The following KMT2C variants were observed in gnomAD, a reference collection of about 807,000 sequenced individuals.
KMT2C encodes lysine methyltransferase 2C.
A neutral mutation model predicts 507.9 loss-of-function variants in KMT2C; 88 were observed. That is an observed-to-expected ratio of 0.17 (90% CI 0.15 to 0.21). The LOEUF (loss-of-function observed/expected upper bound fraction) is 0.21. Ranked by LOEUF, KMT2C falls within the 10% of genes least tolerant of loss-of-function variation. The pLI, the probability that KMT2C is intolerant of heterozygous loss-of-function variation, is 1.00. For synonymous variants in KMT2C, 2,049 were observed against 2,080.8 expected (o/e 0.98, Z 0.42); for missense variants, 4,954 against 5,957.8 (o/e 0.83, Z 5.55).
rs114713496 is a variant in KMT2C at position 152,370,756 on chromosome 7, G to A, written c.162-12081C>T. ...ACCATGTTAGAAGTCTAAATCACTGGTCAGCAAACTACGGTCCAGAGGCCA... is the reference window on the plus strand; with the variant it reads ...ACCATGTTAGAAGTCTAAATCACTGATCAGCAAACTACGGTCCAGAGGCCA... On this transcript the variant is annotated intron_variant, in intron 1 of 58. Coordinates refer to ENST00000262189, the MANE Select transcript of KMT2C (RefSeq NM_170606.3). Among the ~76,000 whole-genome samples, 1,349 of 152,248 alleles carry A rather than the reference G, an allele frequency of 8.9e-3. 24 individuals carry two copies. Among genetic ancestry groups the A allele is most frequent in the African/African-American group, 0.031 (1,305 of 41,538 alleles).
intron 1 of KMT2C, among the ~76,000 whole-genome samples, chr7:152,383,134 T>G (rs570432060): frequency 1.6e-3 from 233 of 142,136 alleles, no homozygotes; most frequent in Middle Eastern, 0.015. Context: ...TATATATAAT[T>G]TGTGTGTGTG....
chr7:152,149,020 C>T lies in KMT2C; in HGVS notation c.12907G>A (p.Ala4303Thr). ...PQLPEKASPP[A>T]SPPIAFPPAF... ...GGAGGGAAGGCGATGGGTGGTGAGG[C>T]AGGGGGAGAAGCTTTCTCTGGGAGC... is the stretch of plus-strand genomic sequence containing the variant. Residue 4303 changes from alanine (A) to threonine (T), a missense_variant, in exon 52 of 59, where the codon GCC (alanine) becomes ACC (threonine). Transcript: ENST00000262189. 1 of 1,544,408 alleles carries T rather than the reference C, an allele frequency of 6.5e-7. No homozygotes were observed. Among genetic ancestry groups the T allele is most frequent in the African/African-American group, 1.4e-5 (1 of 72,638 alleles).
intron 16 of KMT2C, among the ~76,000 whole-genome samples, chr7:152,232,890 A>T (rs1032002552): frequency 8.5e-5 from 13 of 152,204 alleles, no homozygotes; most frequent in Non-Finnish European, 1.5e-4. Context: ...GAGATAAAGT[A>T]TCTATTTCTA....
chr7:152,357,947 A>G (rs780549073), intron 2 of KMT2C, among the ~76,000 whole-genome samples: 3 of 152,222 alleles, frequency 2.0e-5, no homozygotes, highest in Non-Finnish European at 4.4e-5. Flanking sequence ...TCTAAACTTT[A>G]TCTAACAACT....
chr7:152,297,051 AAGACAGAG>A (rs1338020593), intron 6 of KMT2C, among the ~76,000 whole-genome samples: 72 of 60,272 alleles, frequency 1.2e-3, no homozygotes, highest in African/African-American at 1.8e-3. Context: ...GAAAGAAAGA[AAGACAGAG>A]AGAGAGAGAG....
At position 152,177,262 on chromosome 7, in the gene KMT2C, C is replaced by A. The variant is rs770857079; in HGVS notation, c.8191G>T (p.Glu2731Ter). 1 of 1,613,858 alleles carries A rather than the reference C, an allele frequency of 6.2e-7. No homozygotes were observed. Among genetic ancestry groups the A allele is most frequent in the Non-Finnish European group, 8.5e-7 (1 of 1,179,988 alleles). Residue 2731 changes from glutamate (E) to a stop codon, truncating the protein, a stop_gained, in exon 38 of 59, where the codon GAA (glutamate) becomes TAA (stop). Coordinates refer to ENST00000262189, the MANE Select transcript of KMT2C (RefSeq NM_170606.3). LOFTEE classifies it high-confidence loss of function. ...TCCAAATTATCTAAAGTATCCAATT[C>A]AACTACCTTGCCATCCTCTGTATCT... ...NLDTEDGKVVELDTLDNLETN... is the reference protein window; with the variant it reads ...NLDTEDGKVV
Position 152,176,402 on chromosome 7 carries a change from TGTTTGAGGCCCA to T in KMT2C, c.9039_9050del (p.Gly3014_Thr3017del), listed in dbSNP as rs1208917973. On this transcript the variant is annotated inframe_deletion, in exon 38 of 59. Coordinates refer to ENST00000262189, the MANE Select transcript of KMT2C (RefSeq NM_170606.3). The stretch of plus-strand genomic sequence containing the variant: ...ACATGCTACTGGTACCAGACTGACT[TGTTTGAGGCCCA>T]GTTTGAGTTGCAGGTTTTCCTGTCC... 6.2e-7 allele frequency: 1 copy of T among 1,614,154 alleles called. No homozygotes were observed. Among genetic ancestry groups the T allele is most frequent in the African/African-American group, 1.3e-5 (1 of 75,034 alleles).
At chr7:152,235,223 A>ATATC (rs930686899) in intron 16 of KMT2C, among the ~76,000 whole-genome samples, 11 of 151,370 alleles carry the variant, frequency 7.3e-5, no homozygotes, top group Admixed American at 2.6e-4. Flanking sequence ...ATATATATAT[A>ATATC]TCAAAGCTTA....
At position 152,181,933 on chromosome 7, in the gene KMT2C, T is replaced by C; in HGVS notation, c.5927A>G (p.Asp1976Gly). Residue 1976 changes from aspartate to glycine, a missense_variant, in exon 36 of 59, where the codon GAT (aspartate) becomes GGT (glycine). Physicochemically the swap from Asp to Gly is moderately conservative, Grantham distance 94 (BLOSUM62 -1). Transcript: ENST00000262189. ...PPDTPRPVMT[D>G]QFPKSLGLSR... ...TAGGCCCAAGGATTTGGGAAATTGA[T>C]CTGTCATCACAGGCCTAGGTGTGTC... The C allele has an allele frequency of 6.2e-7, 1 of 1,614,158 alleles. No individual in the cohort carries two copies. The highest frequency in any genetic ancestry group is 1.3e-5 in the African/African-American group (1 of 75,036).
chr7:152,136,133 CTT>C lies in KMT2C; in HGVS notation c.*697_*698del. On this transcript the variant is annotated 3_prime_UTR_variant, in exon 59 of 59. Transcript: ENST00000262189. ...CAGCAGCAGCTTGGCTTTCTTCTAA[CTT>C]TATTTAAAAATAGCTTCATTCACTT... The C allele has an allele frequency of 4.8e-6, 1 of 210,014 alleles. No individual in the cohort carries two copies. Among genetic ancestry groups the C allele is most frequent in the Non-Finnish European group, 9.7e-6 (1 of 103,164 alleles). The allele number at this position is 210,014 out of a possible 1,614,324, so 13.0% of individuals were successfully genotyped here.
At chr7:152,140,471 G>C (rs2090413609) in intron 55 of KMT2C, among the ~76,000 whole-genome samples, 1 of 152,174 alleles carries the variant, frequency 6.6e-6, no homozygotes, top group South Asian at 2.1e-4. Context: ...GCACTATTCA[G>C]GTTGGTAGCA....
chr7:152,375,483 T>C (rs996004544), intron 1 of KMT2C, among the ~76,000 whole-genome samples: 12 of 151,912 alleles, frequency 7.9e-5, no homozygotes, highest in African/African-American at 2.9e-4. Context: ...TCTCCCAGGT[T>C]CAAGCAATTC....
Position 152,163,508 on chromosome 7 carries a change from G to T in KMT2C, c.10069C>A (p.Gln3357Lys). The part of the protein sequence containing the change: ...NPPRIQPPIA[Q>K]LPIKTCTPAP... ...GGTGTACAAGTTTTTATTGGTAACT[G>T]GGCAATTGGGGGCTGAATTCTAGGA... is the stretch of plus-strand genomic sequence containing the variant. The change falls in exon 43 of 59, where the codon CAG becomes AAG. Residue 3357 changes from glutamine (Q) to lysine (K), a missense_variant. Transcript: ENST00000262189. 6.2e-7 allele frequency: 1 copy of T among 1,613,536 alleles called. No homozygotes were observed. The highest frequency in any genetic ancestry group is 8.5e-7 in the Non-Finnish European group (1 of 1,179,560).
chr7:152,364,673 A>T (rs1008317829), intron 1 of KMT2C, among the ~76,000 whole-genome samples: 2 of 151,978 alleles, frequency 1.3e-5, no homozygotes, highest in African/African-American at 4.8e-5. Flanking sequence ...TTAACATGTG[A>T]TTAGAAATGA....
chr7:152,301,968 T>G (rs924801420), intron 6 of KMT2C, among the ~76,000 whole-genome samples: 1 of 152,178 alleles, frequency 6.6e-6, no homozygotes, highest in Non-Finnish European at 1.5e-5. Context: ...AAGTTTAAAT[T>G]TGCCTATCTA....
At position 152,222,052 on chromosome 7, in the gene KMT2C, A is replaced by T. The variant is rs763209763; in HGVS notation, c.3448T>A (p.Cys1150Ser). 6.2e-7 allele frequency: 1 copy of T among 1,600,280 alleles called. No homozygotes were observed. Among genetic ancestry groups the T allele is most frequent in the South Asian group, 1.2e-5 (1 of 86,410 alleles). The change falls in exon 22 of 59, where the codon TGC (cysteine) becomes AGC (serine). Residue 1150 changes from cysteine to serine, a missense_variant. Transcript: ENST00000262189. The part of the protein sequence containing the change: ...MPASNVPSSD[C>S]CESSLVAQIV... ...TGTGCTACAAGTGAAGATTCACAGCAGTCTGAGGAAGGCACTGAAACGAAA... is the reference window on the plus strand; with the variant it reads ...TGTGCTACAAGTGAAGATTCACAGCTGTCTGAGGAAGGCACTGAAACGAAA...
intron 28 of KMT2C, among the ~76,000 whole-genome samples, chr7:152,195,066 T>G (rs533381529): frequency 6.6e-5 from 10 of 152,292 alleles, no homozygotes; most frequent in Middle Eastern, 3.4e-3. Context: ...ATTTTTAAAG[T>G]ATTCTATAGG....
Position 152,195,964 on chromosome 7 carries a change from C to T in KMT2C, c.4321G>A (p.Asp1441Asn), listed in dbSNP as rs1175453788. 1 of 1,610,776 alleles carries T rather than the reference C, an allele frequency of 6.2e-7. No individual in the cohort carries two copies. Among genetic ancestry groups the T allele is most frequent in the Non-Finnish European group, 8.5e-7 (1 of 1,177,650 alleles). Residue 1441 changes from aspartate to asparagine, a missense_variant, in exon 28 of 59, where the codon GAT becomes AAT. Asp to Asn is a conservative substitution (Grantham distance 23). Coordinates refer to ENST00000262189, the MANE Select transcript of KMT2C (RefSeq NM_170606.3). ...GAAATTATTCCAAGAATGTCATCAT[C>T]TGTGTTTAAAACTTCAGAAATATCA... is the stretch of plus-strand genomic sequence containing the variant. ...LADISEVLNT[D>N]DDILGIISDD...
chr7:152,295,741 G>T (rs1247224003), intron 6 of KMT2C, among the ~76,000 whole-genome samples: 1 of 152,150 alleles, frequency 6.6e-6, no homozygotes, highest in African/African-American at 2.4e-5. Flanking sequence ...CATCATGGCT[G>T]TCTCAACTTC....
Sources: allele counts gnomAD v4.1 joint callset (sites outside exome capture counted in the v4.1 genomes callset), GRCh38; gene constraint gnomAD v4.1.1; transcripts MANE v1.5; gene names NCBI Gene and HGNC (gene_info 2026-07-23, HGNC 2026-07-21).